The following TMCO4 variants were observed in gnomAD, a reference collection of about 807,000 sequenced individuals.
TMCO4 encodes transmembrane and coiled-coil domains 4, also known as transmembrane and coiled-coil domain-containing protein 4.
TMCO4 carries 58 observed loss-of-function variants against 64.7 expected under a neutral mutation model. That is an observed-to-expected ratio of 0.90 (90% CI 0.73 to 1.12). The LOEUF (loss-of-function observed/expected upper bound fraction) is 1.12. Ranked by LOEUF, TMCO4 falls within the 50% of genes most tolerant of loss-of-function variation. TMCO4 has a pLI of 0.00. For missense variants in TMCO4, 780 were observed against 825.9 expected (o/e 0.94, Z 0.68); for synonymous variants, 325 against 346.1 (o/e 0.94, Z 0.68).
intron 4 of TMCO4, among the ~76,000 whole-genome samples, chr1:19,775,923 T>C (rs1482931974): frequency 6.6e-6 from 1 of 152,232 alleles, no homozygotes; most frequent in Non-Finnish European, 1.5e-5. Flanking sequence ...TGTTTATTAG[T>C]TTTATTTTTT....
In TMCO4 at chr1:19,682,543, C is replaced by T. The variant is rs182395606; in HGVS notation, c.*497G>A. 1.0e-3 allele frequency: 724 copies of T among 710,638 alleles called. 2 individuals carry two copies. The highest frequency in any genetic ancestry group is 6.3e-3 in the Middle Eastern group (21 of 3,360). 44.0% of individuals were successfully genotyped at this position (710,638 alleles called of 1,614,324 possible). ...GTGAGCTGCCTTCTTTGTACCTGCG[C>T]CTGCTCTGTTGCTGCCAGTTGATGG... On this transcript the variant is annotated 3_prime_UTR_variant, in exon 16 of 16. Coordinates refer to ENST00000294543, the MANE Select transcript of TMCO4 (RefSeq NM_181719.7).
chr1:19,720,942 T>C (rs1437830274), intron 13 of TMCO4, among the ~76,000 whole-genome samples: 2 of 151,806 alleles, frequency 1.3e-5, no homozygotes, highest in Non-Finnish European at 2.9e-5. Context: ...GAATCTTAGA[T>C]ACGAGGAAAG....
chr1:19,733,641 A>T (rs2095439984), intron 13 of TMCO4, among the ~76,000 whole-genome samples: 1 of 152,120 alleles, frequency 6.6e-6, no homozygotes, highest in Non-Finnish European at 1.5e-5. Context: ...TCATATATAT[A>T]TTTTGGGAAA....
At position 19,682,799 on chromosome 1, in the gene TMCO4, AG is replaced by A. The variant is rs2095112357; in HGVS notation, c.*240del. On this transcript the variant is annotated 3_prime_UTR_variant, in exon 16 of 16. Coordinates refer to ENST00000294543, the MANE Select transcript of TMCO4 (RefSeq NM_181719.7). ...TGGTTGACTCTGCAGGTCTCTGATG[AG>A]GGGGCAGCTGCTCCCTGGTGGGGCT... 2.8e-6 allele frequency: 2 copies of A among 717,720 alleles called. No individual in the cohort carries two copies. Among genetic ancestry groups the A allele is most frequent in the South Asian group, 1.5e-5 (1 of 67,210 alleles). 44.5% of individuals were successfully genotyped at this position (717,720 alleles called of 1,614,324 possible). A position where few individuals can be genotyped will look rare whatever the true frequency, so the allele number is the denominator to read the frequency against.
chr1:19,775,938 T>C (rs988847387), intron 4 of TMCO4, among the ~76,000 whole-genome samples: 1 of 152,234 alleles, frequency 6.6e-6, no homozygotes, highest in Non-Finnish European at 1.5e-5. Context: ...TTTTTTGAGA[T>C]GGAGTATCGC....
intron 13 of TMCO4, among the ~76,000 whole-genome samples, chr1:19,726,650 G>A (rs1570775930): frequency 6.6e-6 from 1 of 152,252 alleles, no homozygotes; most frequent in East Asian, 1.9e-4. Context: ...GTTTAACTGT[G>A]CCTGGCACAC....
At chr1:19,785,053 C>G (rs978687308) in intron 3 of TMCO4, among the ~76,000 whole-genome samples, 59 of 152,156 alleles carry the variant, frequency 3.9e-4, no homozygotes, top group African/African-American at 1.4e-3. Context: ...GTCTTGTTCA[C>G]TACGCTACAG....
intron 14 of TMCO4, among the ~76,000 whole-genome samples, chr1:19,695,342 C>T (rs755598686): frequency 3.3e-5 from 5 of 152,218 alleles, no homozygotes; most frequent in African/African-American, 1.2e-4. Context: ...AGCCTTCCCT[C>T]GCAAACCCTT....
At chr1:19,688,790 G>A (rs1298431531) in intron 15 of TMCO4, among the ~76,000 whole-genome samples, 1 of 152,224 alleles carries the variant, frequency 6.6e-6, no homozygotes, top group Non-Finnish European at 1.5e-5. Context: ...TAAAACATGT[G>A]AGTTGTTGGC....
chr1:19,764,525 G>A (rs1359308835), intron 6 of TMCO4, among the ~76,000 whole-genome samples: 4 of 152,182 alleles, frequency 2.6e-5, no homozygotes, highest in African/African-American at 4.8e-5. Flanking sequence ...CGGAATAGAT[G>A]GACCAGGCTG....
intron 6 of TMCO4, among the ~76,000 whole-genome samples, chr1:19,757,164 G>GT (rs1050416040): frequency 2.0e-5 from 3 of 151,066 alleles, no homozygotes; most frequent in Non-Finnish European, 4.4e-5. Flanking sequence ...GGTGGCGGGG[G>GT]GGGGCGCCTG....
intron 3 of TMCO4, among the ~76,000 whole-genome samples, chr1:19,783,622 T>C (rs1486806855): frequency 2.0e-5 from 3 of 152,226 alleles, no homozygotes; most frequent in African/African-American, 7.2e-5. Context: ...AACTACCATG[T>C]AAAGTTAAGT....
chr1:19,694,655 C>A, intron 14 of TMCO4, 104 bp from the exon 15 acceptor site: 1 of 1,027,096 alleles, frequency 9.7e-7, no homozygotes, highest in Non-Finnish European at 1.5e-6. Context: ...GGGAATGGAG[C>A]TTCTGGGGGA....
At chr1:19,789,267 T>C (rs1338830342) in intron 2 of TMCO4, among the ~76,000 whole-genome samples, 1 of 151,888 alleles carries the variant, frequency 6.6e-6, no homozygotes, top group Non-Finnish European at 1.5e-5. Flanking sequence ...CTGGTTGTGC[T>C]GGTGCATGCC....
At chr1:19,750,264 A>G (rs1416517370) in intron 7 of TMCO4, 1 of 152,218 alleles carries the variant, frequency 6.6e-6, no homozygotes, top group African/African-American at 2.4e-5. Context: ...TCAAGGCCGA[A>G]GAAAACATTC....
At chr1:19,689,699 T>C (rs967250201) in intron 15 of TMCO4, among the ~76,000 whole-genome samples, 1 of 152,264 alleles carries the variant, frequency 6.6e-6, no homozygotes, top group Non-Finnish European at 1.5e-5. Context: ...TAAAAGCTAC[T>C]TTCTTCAGCA....
Position 19,739,799 on chromosome 1 carries a change from C to T in TMCO4, c.1179+25G>A, listed in dbSNP as rs371295326. The T allele has an allele frequency of 3.9e-5, 62 of 1,607,976 alleles. 1 individual carries two copies. The highest frequency in any genetic ancestry group is 1.3e-4 in the South Asian group (12 of 90,222). ...TGACTTCCCCTCTTGCTCAATGCCA[C>T]GCCCACACAGCCATTCCCAGGTACC... On this transcript the variant is annotated intron_variant, in intron 12 of 15. Transcript: ENST00000294543.
chr1:19,766,864 G>C (rs1299259371), intron 6 of TMCO4, among the ~76,000 whole-genome samples: 1 of 152,150 alleles, frequency 6.6e-6, no homozygotes, highest in African/African-American at 2.4e-5. Flanking sequence ...CTAGGCCTCA[G>C]TTTCCCCATC....
In TMCO4 at chr1:19,746,663, G is replaced by A. The variant is rs1399045446; in HGVS notation, c.614-64C>T. The A allele has an allele frequency of 1.5e-5, 23 of 1,537,966 alleles. No individual in the cohort carries two copies. The South Asian group carries it at 1.9e-4, about 13-fold the overall frequency. ...GTGGTGGCTGGACGCGGTGGCTCAC[G>A]CCTGTAATCCCAGCACTTTGGGAGG... On this transcript the variant is annotated intron_variant, in intron 8 of 15. Coordinates refer to ENST00000294543, the MANE Select transcript of TMCO4 (RefSeq NM_181719.7).
Sources: gnomAD v4.1 joint callset for allele counts (sites outside exome capture counted in the v4.1 genomes callset) on GRCh38, gnomAD v4.1.1 for gene constraint, MANE v1.5 for transcripts, NCBI Gene and HGNC (gene_info 2026-07-23, HGNC 2026-07-21) for gene names.